NCAPD3: variants seen among roughly 807,000 people sequenced by gnomAD.
The protein encoded by NCAPD3 is non-SMC condensin II complex subunit D3.
NCAPD3 carries 105 observed loss-of-function variants against 182.9 expected under a neutral mutation model. That is an observed-to-expected ratio of 0.57 (90% confidence interval 0.49 to 0.68). The LOEUF is 0.68. Ranked by LOEUF, NCAPD3 falls within the 30% of genes least tolerant of loss-of-function variation. The pLI, the probability that NCAPD3 is intolerant of heterozygous loss-of-function variation, is 0.00. For missense variants in NCAPD3, 1,944 were observed against 1,837.0 expected (o/e 1.06, Z -1.07); for synonymous variants, 815 against 679.9 (o/e 1.20, Z -3.09).
intron 6 of NCAPD3, 33 bp downstream of exon 6, chr11:134,209,112 T>TA (rs779418027): frequency 2.3e-5 from 37 of 1,600,866 alleles, no homozygotes; most frequent in Non-Finnish European, 2.8e-5. Context: ...ACACTATACT[T>TA]AAATTGTAGC....
intron 16 of NCAPD3, among the ~76,000 whole-genome samples, chr11:134,190,185 T>C (rs1303983824): frequency 6.6e-6 from 1 of 152,234 alleles, no homozygotes; most frequent in African/African-American, 2.4e-5. Context: ...AGAAGTTACA[T>C]ACGACTATCC....
chr11:134,155,699 C>A (rs767404648), intron 32 of NCAPD3, among the ~76,000 whole-genome samples: 1 of 152,176 alleles, frequency 6.6e-6, no homozygotes, highest in African/African-American at 2.4e-5. Flanking sequence ...CAGCATATGG[C>A]ACCTCACTGC....
rs74423659 is a variant in NCAPD3 at position 134,217,187 on chromosome 11, T to C, written c.220-89A>G. 2,990 of 1,276,868 alleles carry C rather than the reference T, an allele frequency of 2.3e-3. 57 individuals are homozygous for C. In the African/African-American group the frequency reaches 0.042, roughly 18 times the overall value. 79.1% of individuals were successfully genotyped at this position (1,276,868 alleles called of 1,614,324 possible). On this transcript the variant is annotated intron_variant, in intron 2 of 34. Transcript: ENST00000534548. ...TGATTTTTGTAAGTTCTTGGTGCCT[T>C]ACAAAAAGAGGAATAGAGTAGCCTG...
intron 19 of NCAPD3, chr11:134,183,234 A>G: frequency 2.2e-6 from 1 of 449,858 alleles, no homozygotes; most frequent in Non-Finnish European, 4.5e-6. Context: ...TGTACCACTG[A>G]GCCTGGAAGG....
intron 15 of NCAPD3, 39 bp downstream of exon 15, chr11:134,193,975 TAA>T (rs1259401827): frequency 2.5e-6 from 4 of 1,569,532 alleles, no homozygotes; most frequent in Non-Finnish European, 3.5e-6. Flanking sequence ...ACTTTTAATG[TAA>T]AATACCATGC....
chr11:134,157,343 C>T (rs537656853), intron 31 of NCAPD3, among the ~76,000 whole-genome samples: 3 of 152,318 alleles, frequency 2.0e-5, no homozygotes, highest in African/African-American at 7.2e-5. Context: ...GACAGTTTGA[C>T]ACTATCCAAA....
At chr11:134,210,209 A>T (rs1346797926) in intron 4 of NCAPD3, 61 bp downstream of exon 4, 4 of 1,445,120 alleles carry the variant, frequency 2.8e-6, no homozygotes, top group Non-Finnish European at 3.8e-6. Context: ...TATAAAGTCA[A>T]TCCTTAAATA....
chr11:134,176,181 C>G lies in NCAPD3; in HGVS notation c.3101+126G>C, dbSNP rs533732198. Reference sequence around the variant, plus strand: ...AGCATCTTAAAAATCTGCTAATTTTCCTGGCACCTACCGAAAGCTCACTAA... The same window carrying G: ...AGCATCTTAAAAATCTGCTAATTTTGCTGGCACCTACCGAAAGCTCACTAA... On this transcript the variant is annotated intron_variant, in intron 24 of 34. Transcript: ENST00000534548. 10 of 733,524 alleles carry G rather than the reference C, an allele frequency of 1.4e-5. No individual in the cohort carries two copies. In the Admixed American group the frequency reaches 2.3e-4, roughly 17 times the overall value. 45.4% of individuals were successfully genotyped at this position (733,524 alleles called of 1,614,324 possible). A position where few individuals can be genotyped will look rare whatever the true frequency, so the allele number is the denominator to read the frequency against.
chr11:134,209,523 A>G (rs746157050), intron 4 of NCAPD3, 46 bp from the exon 5 acceptor site: 8 of 1,549,326 alleles, frequency 5.2e-6, no homozygotes. Context: ...AATGCCAAAC[A>G]CTTTGTCCCA....
chr11:134,165,159 T>A (rs188298264), intron 27 of NCAPD3, among the ~76,000 whole-genome samples: 3 of 147,474 alleles, frequency 2.0e-5, no homozygotes, highest in Non-Finnish European at 3.0e-5. Context: ...ACTTGTGAGA[T>A]GAGCTGAGGA....
At chr11:134,203,624 G>A (rs1944792997) in intron 11 of NCAPD3, 30 bp downstream of exon 11, 1 of 1,601,362 alleles carries the variant, frequency 6.2e-7, no homozygotes, top group Non-Finnish European at 8.5e-7. Flanking sequence ...CACAAGACCG[G>A]TTTACTGTCC....
chr11:134,184,830 C>T (rs1440730594), intron 18 of NCAPD3, 73 bp downstream of exon 18: 8 of 1,347,720 alleles, frequency 5.9e-6, no homozygotes, highest in African/African-American at 2.9e-5. Context: ...CACACACACA[C>T]ACACACACAC....
At chr11:134,170,969 G>T (rs1413328916) in intron 24 of NCAPD3, among the ~76,000 whole-genome samples, 1 of 152,216 alleles carries the variant, frequency 6.6e-6, no homozygotes, top group Non-Finnish European at 1.5e-5. Flanking sequence ...AATTGGAGAA[G>T]AGGGACTATT....
intron 24 of NCAPD3, among the ~76,000 whole-genome samples, chr11:134,174,382 C>CAAAAAAAAA (rs34533048): frequency 3.7e-5 from 2 of 53,620 alleles, no homozygotes; most frequent in East Asian, 5.5e-4. Context: ...GACCCTGTCT[C>CAAAAAAAAA]AAAAAAAAAA....
At chr11:134,167,004 G>A (rs533802512) in intron 27 of NCAPD3, among the ~76,000 whole-genome samples, 34 of 117,230 alleles carry the variant, frequency 2.9e-4, no homozygotes, top group Admixed American at 2.5e-3. Context: ...GAGCTTAGGG[G>A]AGCTGCACAC....
rs925023911 is a variant in NCAPD3, at chr11:134,161,866, T to G, written c.3599A>C (p.Asn1200Thr). The change falls in exon 28 of 35, where the codon AAT becomes ACT. Residue 1200 changes from asparagine (N) to threonine (T), a missense_variant. Asn to Thr is a moderately conservative substitution (Grantham distance 65, BLOSUM62 0). Transcript: ENST00000534548. ...SQVQKRNFIE[N>T]IIPIIISLKT... ...CAGGGAGATGATAATTGGAATAATA[T>G]TTTCTATGAAATTCCTCTTCTGAAC... 1 of 1,569,746 alleles carries G rather than the reference T, an allele frequency of 6.4e-7. No homozygotes were observed.
At chr11:134,219,501 C>T (rs902045108) in intron 2 of NCAPD3, among the ~76,000 whole-genome samples, 2 of 152,138 alleles carry the variant, frequency 1.3e-5, no homozygotes, top group African/African-American at 4.8e-5. Flanking sequence ...ACTCTGTCAA[C>T]TCAGGTACTT....
At position 134,177,288 on chromosome 11, in the gene NCAPD3, G is replaced by A. The variant is rs144088047; in HGVS notation, c.2952C>T (p.Ser984=). ...ATGGGTCGGAATCCTTCAGACACAT[G>A]GAGATGTTGGGAATATACTTGTCCA... ...IMVDKYIPNI[S]MCLKDSDPFI... Residue 984 remains serine (S), a synonymous_variant, in exon 23 of 35, where the codon TCC becomes TCT. Coordinates refer to ENST00000534548, the MANE Select transcript of NCAPD3 (RefSeq NM_015261.3). 1.2e-6 allele frequency: 2 copies of A among 1,614,216 alleles called. No individual in the cohort carries two copies. Among genetic ancestry groups the A allele is most frequent in the Non-Finnish European group, 1.7e-6 (2 of 1,180,044 alleles).
chr11:134,161,915 T>A (rs1339399173), intron 27 of NCAPD3, 24 bp from the exon 28 acceptor site: 2 of 1,289,004 alleles, frequency 1.6e-6, no homozygotes, highest in East Asian at 4.8e-5. Flanking sequence ...CAAAGACATG[T>A]TTTAGATGTA....
Sources: allele counts gnomAD v4.1 joint callset (sites outside exome capture counted in the v4.1 genomes callset), GRCh38; gene constraint gnomAD v4.1.1; transcripts MANE v1.5; gene names NCBI Gene and HGNC (gene_info 2026-07-23, HGNC 2026-07-21).